Variants in MCM6 observed in about 807,000 individuals in gnomAD.
The protein encoded by MCM6 is minichromosome maintenance complex component 6.
In MCM6, 46 loss-of-function variants were observed where a neutral mutation model predicts 94.3. The ratio of observed to expected loss-of-function variants is 0.49; its 90% confidence interval spans 0.39 to 0.62. The LOEUF is 0.62. Among genes scored for constraint, MCM6 ranks in the 20% least tolerant of loss-of-function variants. The pLI is 0.00. For synonymous variants in MCM6, 335 were observed against 351.9 expected (o/e 0.95, Z 0.54); for missense variants, 865 against 1,017.9 (o/e 0.85, Z 2.04).
intron 5 of MCM6, 32 bp downstream of exon 5, chr2:135,866,531 A>G (rs1680097627): frequency 6.3e-7 from 1 of 1,587,488 alleles, no homozygotes. Context: ...GGTAACTGAG[A>G]ATTTGTTAAA....
intron 8 of MCM6, 142 bp downstream of exon 8, chr2:135,862,465 T>G (rs1365092657): frequency 2.1e-6 from 2 of 940,532 alleles, no homozygotes; most frequent in Non-Finnish European, 3.0e-6. Flanking sequence ...TTGCCATAAC[T>G]TTAATCTATG....
rs1288634043 is a variant in MCM6 at position 135,872,093 on chromosome 2, T to C, written c.254+604A>G. On this transcript the variant is annotated intron_variant, in intron 2 of 16. Transcript: ENST00000264156. The stretch of plus-strand genomic sequence containing the variant: ...GACACAAAAGTAAGTAAGTACAGTT[T>C]TCCTCTTGGGAAAACTATATAGAAA... Among the ~76,000 whole-genome samples, 9 of 152,138 alleles carry C rather than the reference T, an allele frequency of 5.9e-5. No individual in the cohort carries two copies. In the East Asian group the frequency reaches 1.7e-3, roughly 29 times the overall value.
At chr2:135,874,694 C>T (rs546678776) in intron 1 of MCM6, among the ~76,000 whole-genome samples, 2 of 152,074 alleles carry the variant, frequency 1.3e-5, no homozygotes, top group Non-Finnish European at 2.9e-5. Context: ...ACATGATTTT[C>T]ACTGGAGCAT....
At chr2:135,862,819 AG>A in intron 7 of MCM6, 71 bp from the exon 8 acceptor site, 1 of 1,539,796 alleles carries the variant, frequency 6.5e-7, no homozygotes, top group Non-Finnish European at 8.9e-7. Flanking sequence ...CAGAAGAAAC[AG>A]TAAAGGCATG....
chr2:135,852,934 A>C lies in MCM6; in HGVS notation c.1627-19T>G. 1 of 1,578,740 alleles carries C rather than the reference A, an allele frequency of 6.3e-7. No individual in the cohort carries two copies. Among genetic ancestry groups the C allele is most frequent in the Non-Finnish European group, 8.6e-7 (1 of 1,166,236 alleles). ...CTGTAACCTAATTCAAAACAAAAAA[A>C]TCACTTTGATAGTCACAGCAATATC... On this transcript the variant is annotated intron_variant, in intron 11 of 16. Coordinates refer to ENST00000264156, the MANE Select transcript of MCM6 (RefSeq NM_005915.6).
intron 10 of MCM6, 51 bp downstream of exon 10, chr2:135,857,846 A>C (rs778072770): frequency 2.0e-5 from 29 of 1,466,764 alleles, no homozygotes; most frequent in Admixed American, 3.4e-5. Flanking sequence ...GTACTACATT[A>C]ATCAACAAGG....
At position 135,866,679 on chromosome 2, in the gene MCM6, C is replaced by A. The variant is rs773959284; in HGVS notation, c.665G>T (p.Arg222Leu). 4 of 1,613,898 alleles carry A rather than the reference C, an allele frequency of 2.5e-6. No homozygotes were observed. Among genetic ancestry groups the A allele is most frequent in the Non-Finnish European group, 3.4e-6 (4 of 1,179,952 alleles). Residue 222 changes from arginine (R) to leucine (L), a missense_variant, in exon 5 of 17, where the codon CGC becomes CTC. Physicochemically the swap from Arg to Leu is moderately radical, Grantham distance 102. Transcript: ENST00000264156. ...AGCCCTTAAAATTACTTCTAAACTGCGGGGGATACTCCCTCGAGGAAGCTC... is the reference window on the plus strand; with the variant it reads ...AGCCCTTAAAATTACTTCTAAACTGAGGGGGATACTCCCTCGAGGAAGCTC... ...QAELPRGSIPRSLEVILRAEA... is the reference protein window; with the variant it reads ...QAELPRGSIPLSLEVILRAEA...
intron 5 of MCM6, 86 bp downstream of exon 5, chr2:135,866,477 A>G: frequency 6.8e-7 from 1 of 1,474,978 alleles, no homozygotes; most frequent in African/African-American, 1.4e-5. Flanking sequence ...GGTAGCCAAA[A>G]AGAAGACAAT....
At position 135,866,116 on chromosome 2, in the gene MCM6, C is replaced by T. The variant is rs753358047; in HGVS notation, c.927+16G>A. The T allele has an allele frequency of 6.2e-7, 1 of 1,612,664 alleles. No individual in the cohort carries two copies. The highest frequency in any genetic ancestry group is 1.3e-5 in the African/African-American group (1 of 74,718). On this transcript the variant is annotated intron_variant, in intron 6 of 16. Transcript: ENST00000264156. The stretch of plus-strand genomic sequence containing the variant: ...GACTGTTTCAAAAACAAACAAAAAC[C>T]CCCAAAACGACTGACCCTTGGGTTG...
chr2:135,851,557 T>C lies in MCM6; in HGVS notation c.1762A>G (p.Lys588Glu). ...FARQFKPKISKESEDFIVEQY... is the reference protein window; with the variant it reads ...FARQFKPKISEESEDFIVEQY... ...TCCACAATGAAGTCCTCTGACTCTTTGGAAATCTGTTTCAGATCATCACTC... is the reference window on the plus strand; with the variant it reads ...TCCACAATGAAGTCCTCTGACTCTTCGGAAATCTGTTTCAGATCATCACTC... The change falls in exon 13 of 17, where the codon AAA becomes GAA. Residue 588 changes from lysine (K) to glutamate (E), a missense_variant. Transcript: ENST00000264156. 1.3e-6 allele frequency: 2 copies of C among 1,598,216 alleles called. No individual in the cohort carries two copies. The highest frequency in any genetic ancestry group is 2.2e-5 in the East Asian group (1 of 44,680).
Position 135,856,872 on chromosome 2 carries a change from G to A in MCM6, c.1482C>T (p.Asn494=), listed in dbSNP as rs554092858. The A allele has an allele frequency of 1.5e-4, 237 of 1,613,472 alleles. 3 individuals are homozygous for A. The South Asian group carries it at 2.2e-3, about 15-fold the overall frequency. The change falls in exon 11 of 17, where the codon AAC becomes AAT. Residue 494 remains asparagine, a synonymous_variant. Coordinates refer to ENST00000264156, the MANE Select transcript of MCM6 (RefSeq NM_005915.6). The part of the protein sequence containing the change: ...ITKAGVKATL[N]ARTSILAAAN... ...CTGCTGCCAAAATGGACGTCCGGGC[G>A]TTCAGAGTAGCCTGACCACAAAAGA...
chr2:135,876,341 G>A lies in MCM6; in HGVS notation c.25C>T (p.Pro9Ser). Reference sequence around the variant, plus strand: ...TCCAGGTGCTGGCTGCCGGCGCCCGGCTCCGCTGCCGCCGCGAGGTCCATA... The same window carrying A: ...TCCAGGTGCTGGCTGCCGGCGCCCGACTCCGCTGCCGCCGCGAGGTCCATA... MDLAAAAE[P>S]GAGSQHLEVR... The change falls in exon 1 of 17, where the codon CCG becomes TCG. Residue 9 changes from proline (P) to serine (S), a missense_variant. Coordinates refer to ENST00000264156, the MANE Select transcript of MCM6 (RefSeq NM_005915.6). 2 of 1,608,904 alleles carry A rather than the reference G, an allele frequency of 1.2e-6. No individual in the cohort carries two copies. The highest frequency in any genetic ancestry group is 1.1e-5 in the South Asian group (1 of 90,892).
At chr2:135,848,300 C>T (rs1679708319) in intron 13 of MCM6, 112 bp from the exon 14 acceptor site, 2 of 663,404 alleles carry the variant, frequency 3.0e-6, no homozygotes, top group South Asian at 3.9e-5. Flanking sequence ...AACACACACA[C>T]TCTCACAGTG....
intron 14 of MCM6, among the ~76,000 whole-genome samples, chr2:135,846,753 C>G (rs1286680779): frequency 6.6e-6 from 1 of 152,140 alleles, no homozygotes; most frequent in Non-Finnish European, 1.5e-5. Flanking sequence ...CCTGTAATCC[C>G]AGCACTTTGC....
intron 14 of MCM6, among the ~76,000 whole-genome samples, chr2:135,847,405 C>T (rs1679690460): frequency 6.6e-6 from 1 of 152,086 alleles, no homozygotes; most frequent in East Asian, 1.9e-4. Flanking sequence ...AGAATGAGAC[C>T]CCATCTCAAA....
At chr2:135,865,255 A>G (rs309177) in intron 6 of MCM6, 92 bp from the exon 7 acceptor site, 912,696 of 917,046 alleles carry the variant, frequency 1, 454,288 homozygotes, top group East Asian at 1. Flanking sequence ...ACAACATAGC[A>G]TGGGAAGTCA....
intron 2 of MCM6, 137 bp from the exon 3 acceptor site, chr2:135,870,498 T>G: frequency 1.7e-6 from 1 of 603,394 alleles, no homozygotes; most frequent in Middle Eastern, 2.7e-4. Context: ...GTAGGACACT[T>G]CTATTATCTA....
chr2:135,854,739 G>A (rs1679841984), intron 11 of MCM6, among the ~76,000 whole-genome samples: 1 of 151,878 alleles, frequency 6.6e-6, no homozygotes, highest in Non-Finnish European at 1.5e-5. Context: ...CAGACACAAT[G>A]GTGTACATGT....
intron 15 of MCM6, among the ~76,000 whole-genome samples, chr2:135,845,291 G>A (rs1430873093): frequency 6.6e-6 from 1 of 152,220 alleles, no homozygotes; most frequent in Non-Finnish European, 1.5e-5. Context: ...CATAGGAAAT[G>A]TTTGGACCTG....
Sources: allele counts gnomAD v4.1 joint callset (sites outside exome capture counted in the v4.1 genomes callset), GRCh38; gene constraint gnomAD v4.1.1; transcripts MANE v1.5; gene names NCBI Gene and HGNC (gene_info 2026-07-23, HGNC 2026-07-21).